The following KLF8 variants were observed in gnomAD, a reference collection of about 807,000 sequenced individuals.
KLF8 encodes Krueppel-like factor 8.
A neutral mutation model predicts 18.2 loss-of-function variants in KLF8; 10 were observed. That is an observed-to-expected ratio of 0.55 (90% CI 0.34 to 0.93). The LOEUF is 0.93. Ranked by LOEUF, KLF8 falls within the 40% of genes least tolerant of loss-of-function variation. The pLI, the probability that KLF8 is intolerant of heterozygous loss-of-function variation, is 0.02. For missense variants in KLF8, 264 were observed against 277.9 expected, an observed-to-expected ratio of 0.95 and a Z score of 0.36; for synonymous variants, 109 against 97.3, an observed-to-expected ratio of 1.12 and a Z score of -0.71.
the KLF8 span, among the ~76,000 whole-genome samples, chrX:56,007,035 C>T: frequency 1.8e-5 from 2 of 112,173 alleles, no homozygotes; most frequent in Non-Finnish European, 3.8e-5. Context: ...TTCCTTGCTG[C>T]TAGTGGTCAG....
At chrX:56,085,973 C>T in the KLF8 span, among the ~76,000 whole-genome samples, 1 of 111,897 alleles carries the variant, frequency 8.9e-6, no homozygotes, top group Non-Finnish European at 1.9e-5. Flanking sequence ...GTAGGTTTTC[C>T]ATTTTTAATG....
chrX:56,221,505 G>T, the KLF8 span, among the ~76,000 whole-genome samples: 1 of 111,845 alleles, frequency 8.9e-6, no homozygotes, highest in Non-Finnish European at 1.9e-5. Context: ...CTCGCGGTGA[G>T]TGTTACACTT....
At chrX:56,090,307 G>A in the KLF8 span, among the ~76,000 whole-genome samples, 2 of 111,598 alleles carry the variant, frequency 1.8e-5, no homozygotes, top group African/African-American at 3.3e-5. Context: ...AAACCATAAA[G>A]CCTCATATTA....
At chrX:56,010,680 G>C in the KLF8 span, among the ~76,000 whole-genome samples, 1 of 112,013 alleles carries the variant, frequency 8.9e-6, no homozygotes, top group Non-Finnish European at 1.9e-5. Context: ...GGTGGATAAA[G>C]AGTCAAGACC....
the KLF8 span, among the ~76,000 whole-genome samples, chrX:56,212,334 A>C: frequency 3.5e-5 from 3 of 86,180 alleles, no homozygotes; most frequent in Non-Finnish European, 4.9e-5. Context: ...ATGTTTCAAT[A>C]TGTCTTGTGC....
intron 1 of KLF8, among the ~76,000 whole-genome samples, chrX:56,237,276 A>C (rs1462218524): frequency 1.8e-5 from 2 of 108,872 alleles, no homozygotes; most frequent in African/African-American, 6.7e-5. Context: ...TATATATGTA[A>C]GTACCACAAC....
the KLF8 span, among the ~76,000 whole-genome samples, chrX:56,131,911 T>A: frequency 2.7e-5 from 3 of 112,090 alleles, no homozygotes; most frequent in Non-Finnish European, 5.6e-5. Flanking sequence ...TATATAATGA[T>A]AAAAGAGCTT....
chrX:56,027,949 TTA>T, the KLF8 span, among the ~76,000 whole-genome samples: 1 of 112,350 alleles, frequency 8.9e-6, no homozygotes, highest in Non-Finnish European at 1.9e-5. Context: ...TGGGGGGCCT[TTA>T]TATTTAAGTT....
intron 1 of KLF8, chrX:56,243,205 C>T: frequency 2.1e-6 from 1 of 485,740 alleles, no homozygotes; most frequent in South Asian, 2.4e-5. Context: ...GCTTGTTTCT[C>T]CTGGGGGCAC....
the KLF8 span, among the ~76,000 whole-genome samples, chrX:56,023,418 GACAA>G: frequency 8.9e-6 from 1 of 111,779 alleles, no homozygotes; most frequent in Non-Finnish European, 1.9e-5. Flanking sequence ...CTTTCTATGA[GACAA>G]ACAAAGACAC....
At chrX:56,031,694 T>C in the KLF8 span, among the ~76,000 whole-genome samples, 1 of 111,605 alleles carries the variant, frequency 9.0e-6, no homozygotes, top group African/African-American at 3.3e-5. Flanking sequence ...AGTCACCTCG[T>C]TTCCCAGTCA....
chrX:56,263,950 C>A lies in KLF8; in HGVS notation c.82-1230C>A, dbSNP rs191018019. The stretch of plus-strand genomic sequence containing the variant: ...CCTTTCATTGAACTCTACCTTTCCT[C>A]ATCTTCCAAATATACAAAACTAAAA... On this transcript the variant is annotated intron_variant, in intron 2 of 5. Transcript: ENST00000468660. Among the ~76,000 whole-genome samples the A allele has an allele frequency of 3.6e-5, 4 of 112,280 alleles. No homozygotes were observed. In the East Asian group the frequency reaches 1.1e-3, roughly 31 times the overall value.
the KLF8 span, among the ~76,000 whole-genome samples, chrX:56,092,173 G>T: frequency 6.3e-5 from 7 of 110,594 alleles, no homozygotes; most frequent in Non-Finnish European, 1.1e-4. Context: ...AGGGTTATTT[G>T]TTTTATTCCT....
intron 5 of KLF8, among the ~76,000 whole-genome samples, chrX:56,278,393 C>A (rs1465951986): frequency 4.5e-5 from 5 of 110,956 alleles, no homozygotes; most frequent in Non-Finnish European, 9.4e-5. Context: ...CTGGGTTCTT[C>A]TCTTCAAGGC....
At chrX:55,999,583 A>T in the KLF8 span, among the ~76,000 whole-genome samples, 1 of 108,867 alleles carries the variant, frequency 9.2e-6, no homozygotes, top group Non-Finnish European at 1.9e-5. Context: ...TAGATATTTT[A>T]TTTTTTTCAG....
chrX:56,246,607 C>T (rs1391830915), intron 1 of KLF8, among the ~76,000 whole-genome samples: 1 of 111,736 alleles, frequency 8.9e-6, no homozygotes, highest in Non-Finnish European at 1.9e-5. Context: ...TAGGCACTCA[C>T]TCCAGAGCCC....
the KLF8 span, among the ~76,000 whole-genome samples, chrX:56,177,917 C>A: frequency 2.7e-4 from 30 of 112,136 alleles, no homozygotes; most frequent in African/African-American, 9.4e-4. Flanking sequence ...CAGATATAAT[C>A]TCCTGGTGTG....
chrX:56,271,957 G>A (rs1173274441), intron 5 of KLF8, among the ~76,000 whole-genome samples: 2 of 111,723 alleles, frequency 1.8e-5, no homozygotes, highest in Admixed American at 1.9e-4. Flanking sequence ...TATACTAAAA[G>A]TCTGGCTGTC....
chrX:56,173,934 C>A, the KLF8 span, among the ~76,000 whole-genome samples: 10 of 111,747 alleles, frequency 8.9e-5, no homozygotes. Context: ...GTGATTTTTG[C>A]ACATTGATTT....
Sources: gnomAD v4.1 joint callset for allele counts (sites outside exome capture counted in the v4.1 genomes callset) on GRCh38, gnomAD v4.1.1 for gene constraint, MANE v1.5 for transcripts, NCBI Gene and HGNC (gene_info 2026-07-23, HGNC 2026-07-21) for gene names.